SH3PXD2A: variants seen among roughly 807,000 people sequenced by gnomAD.
SH3PXD2A encodes SH3 and PX domain-containing protein 2A.
In SH3PXD2A, 32 loss-of-function variants were observed where a neutral mutation model predicts 115.2. The ratio of observed to expected loss-of-function variants is 0.28; its 90% CI spans 0.21 to 0.37. The LOEUF is 0.37. Among genes scored for constraint, SH3PXD2A ranks in the 10% least tolerant of loss-of-function variants. The pLI, the probability that SH3PXD2A is intolerant of heterozygous loss-of-function variation, is 1.00. For missense variants in SH3PXD2A, 1,328 were observed against 1,498.7 expected (o/e 0.89, Z 1.88); for synonymous variants, 610 against 629.1 (o/e 0.97, Z 0.45).
At chr10:103,741,546 G>A (rs1442333777) in intron 3 of SH3PXD2A, among the ~76,000 whole-genome samples, 2 of 152,080 alleles carry the variant, frequency 1.3e-5, no homozygotes, top group Non-Finnish European at 2.9e-5. Flanking sequence ...AACAGGGTCA[G>A]CAGCCCCTTG....
chr10:103,648,462 C>T (rs535385150), intron 8 of SH3PXD2A, among the ~76,000 whole-genome samples: 1 of 152,308 alleles, frequency 6.6e-6, no homozygotes, highest in South Asian at 2.1e-4. Flanking sequence ...TGATTACGGG[C>T]CCTTTGCTTG....
At position 103,689,663 on chromosome 10, in the gene SH3PXD2A, C is replaced by A. The variant is rs114966153; in HGVS notation, c.427+3365G>T. Among the ~76,000 whole-genome samples the A allele has an allele frequency of 6.6e-3, 997 of 152,024 alleles. 13 individuals are homozygous for A. Among genetic ancestry groups the A allele is most frequent in the African/African-American group, 0.023 (948 of 41,454 alleles). Reference sequence around the variant, plus strand: ...CTGGGCAACAGGGGAGAATCTGTCTCAAAGAAACAAAAAACAAAAAACGAG... The same window carrying A: ...CTGGGCAACAGGGGAGAATCTGTCTAAAAGAAACAAAAAACAAAAAACGAG... On this transcript the variant is annotated intron_variant, in intron 6 of 14. Transcript: ENST00000369774.
rs559462940 is a variant in SH3PXD2A at position 103,595,366 on chromosome 10, A to G, written c.*6450T>C. On this transcript the variant is annotated 3_prime_UTR_variant, in exon 15 of 15. Transcript: ENST00000369774. ...TCTTCCTTCTTTCTAATCAACAAAGACAAAACTCCAAGCCCCTTTTCAGCC... is the reference window on the plus strand; with the variant it reads ...TCTTCCTTCTTTCTAATCAACAAAGGCAAAACTCCAAGCCCCTTTTCAGCC... 2 of 152,330 alleles carry G rather than the reference A, an allele frequency of 1.3e-5. No homozygotes were observed. The highest frequency in any genetic ancestry group is 4.1e-4 in the South Asian group (2 of 4,820). 9.4% of individuals were successfully genotyped at this position (152,330 alleles called of 1,614,324 possible).
chr10:103,787,604 C>T (rs2038992854), intron 2 of SH3PXD2A, among the ~76,000 whole-genome samples: 1 of 152,180 alleles, frequency 6.6e-6, no homozygotes, highest in Non-Finnish European at 1.5e-5. Flanking sequence ...AAAACCAAGC[C>T]TGTCTCCCTG....
intron 11 of SH3PXD2A, among the ~76,000 whole-genome samples, chr10:103,616,255 C>T (rs2036517234): frequency 5.9e-5 from 9 of 152,174 alleles, no homozygotes; most frequent in Admixed American, 5.9e-4. Flanking sequence ...CGGAGACCAC[C>T]TAGAATGCAT....
chr10:103,721,422 C>T (rs1304285304), intron 5 of SH3PXD2A, among the ~76,000 whole-genome samples: 2 of 152,238 alleles, frequency 1.3e-5, no homozygotes, highest in Admixed American at 6.5e-5. Context: ...GCCTGGTTTC[C>T]ACTGTTCCTC....
At chr10:103,791,574 T>C (rs571438169) in intron 2 of SH3PXD2A, among the ~76,000 whole-genome samples, 16 of 152,116 alleles carry the variant, frequency 1.1e-4, no homozygotes, top group Admixed American at 5.2e-4. Flanking sequence ...TCTCAGGGCC[T>C]GAGCTCAGCC....
At chr10:103,686,677 C>G (rs2037682280) in intron 6 of SH3PXD2A, among the ~76,000 whole-genome samples, 1 of 151,966 alleles carries the variant, frequency 6.6e-6, no homozygotes, top group African/African-American at 2.4e-5. Flanking sequence ...TCAGGTGGTA[C>G]ACATCAACCT....
chr10:103,824,949 T>C (rs1374615315), intron 1 of SH3PXD2A, among the ~76,000 whole-genome samples: 1 of 152,188 alleles, frequency 6.6e-6, no homozygotes, highest in Non-Finnish European at 1.5e-5. Context: ...GTTACAGAAG[T>C]GCACCACCAA....
chr10:103,693,031 AT>A lies in SH3PXD2A; in HGVS notation c.423del (p.Lys141AsnfsTer16). The A allele has an allele frequency of 6.2e-7, 1 of 1,613,080 alleles. No homozygotes were observed. Among genetic ancestry groups the A allele is most frequent in the South Asian group, 1.1e-5 (1 of 91,060 alleles). ...AAACGCCCGGAGGCTCCCTTACCTGATTTCCTCTTGGAACTGCCATAGTCCC... is the reference window on the plus strand; with the variant it reads ...AAACGCCCGGAGGCTCCCTTACCTGATTCCTCTTGGAACTGCCATAGTCCC... ...PKEDYGSSKR[K>X]SVWLSSWAES... On this transcript the variant is annotated frameshift_variant, in exon 6 of 15. Coordinates refer to ENST00000369774, the MANE Select transcript of SH3PXD2A (RefSeq NM_001394015.1). LOFTEE classifies it high-confidence loss of function.
intron 7 of SH3PXD2A, among the ~76,000 whole-genome samples, chr10:103,668,002 C>G (rs1453083176): frequency 1.3e-5 from 2 of 152,222 alleles, no homozygotes; most frequent in Non-Finnish European, 2.9e-5. Flanking sequence ...AGGCCAAGCT[C>G]TGGATTGCTG....
At chr10:103,727,847 C>T (rs563272391) in intron 4 of SH3PXD2A, among the ~76,000 whole-genome samples, 60 of 152,334 alleles carry the variant, frequency 3.9e-4, no homozygotes, top group African/African-American at 1.4e-3. Context: ...GGCTCTCAGC[C>T]CAGAGCAGCT....
chr10:103,794,489 CAG>C (rs1415747394), intron 2 of SH3PXD2A, among the ~76,000 whole-genome samples: 2 of 152,182 alleles, frequency 1.3e-5, no homozygotes, highest in African/African-American at 4.8e-5. Flanking sequence ...GCCAGGGCTT[CAG>C]AGAGTCTTCC....
intron 6 of SH3PXD2A, among the ~76,000 whole-genome samples, chr10:103,670,752 G>A (rs1345931764): frequency 6.6e-6 from 1 of 152,252 alleles, no homozygotes; most frequent in Non-Finnish European, 1.5e-5. Flanking sequence ...TCCTTGGGGA[G>A]CAGGAGCAAT....
intron 2 of SH3PXD2A, among the ~76,000 whole-genome samples, chr10:103,785,112 T>C (rs2038968558): frequency 6.6e-6 from 1 of 152,112 alleles, no homozygotes; most frequent in African/African-American, 2.4e-5. Context: ...TGATAGAAGA[T>C]ATTCAAGGGC....
At chr10:103,802,281 G>A (rs2039154926) in intron 1 of SH3PXD2A, among the ~76,000 whole-genome samples, 1 of 152,204 alleles carries the variant, frequency 6.6e-6, no homozygotes, top group Non-Finnish European at 1.5e-5. Flanking sequence ...CACAGAGCAG[G>A]TGCTCAGAAA....
rs754468464 is a variant in SH3PXD2A at position 103,668,665 on chromosome 10, C to T, written c.428-13G>A. 7 of 1,556,074 alleles carry T rather than the reference C, an allele frequency of 4.5e-6. No individual in the cohort carries two copies. Among genetic ancestry groups the T allele is most frequent in the African/African-American group, 1.4e-5 (1 of 72,348 alleles). On this transcript the variant is annotated splice_polypyrimidine_tract_variant and intron_variant, in intron 6 of 14. Coordinates refer to ENST00000369774, the MANE Select transcript of SH3PXD2A (RefSeq NM_001394015.1). ...CTGGACAGCCACACTTCCGAGTCCC[C>T]GAGAGCAAGCGGCAGCAGGAGAGGA...
intron 1 of SH3PXD2A, among the ~76,000 whole-genome samples, chr10:103,819,027 T>C (rs1042687189): frequency 1.3e-5 from 2 of 152,378 alleles, no homozygotes; most frequent in Non-Finnish European, 2.9e-5. Context: ...TCCTTTGTTT[T>C]CTCTACAACG....
intron 1 of SH3PXD2A, among the ~76,000 whole-genome samples, chr10:103,841,366 C>T (rs2039596463): frequency 6.6e-6 from 1 of 152,136 alleles, no homozygotes; most frequent in Admixed American, 6.5e-5. Flanking sequence ...AAATAATGTT[C>T]AGCCAGTGAA....
Sources: allele counts gnomAD v4.1 joint callset (sites outside exome capture counted in the v4.1 genomes callset), GRCh38; gene constraint gnomAD v4.1.1; transcripts MANE v1.5; gene names NCBI Gene and HGNC (gene_info 2026-07-23, HGNC 2026-07-21).